The following GABRB1 variants were observed in gnomAD, a reference collection of about 807,000 sequenced individuals.
The protein encoded by GABRB1 is gamma-aminobutyric acid type A receptor subunit beta1.
A neutral mutation model predicts 51.6 loss-of-function variants in GABRB1; 17 were observed. That is an observed-to-expected ratio of 0.33 (90% CI 0.23 to 0.49). GABRB1 has a LOEUF of 0.49. Ranked by LOEUF, GABRB1 falls within the 20% of genes least tolerant of loss-of-function variation. The pLI, the probability that GABRB1 is intolerant of heterozygous loss-of-function variation, is 0.99. For missense variants in GABRB1, 410 were observed against 600.6 expected (o/e 0.68, Z 3.32); for synonymous variants, 247 against 218.9 (o/e 1.13, Z -1.14).
chr4:47,316,380 A>G (rs949859976), intron 4 of GABRB1, among the ~76,000 whole-genome samples: 1 of 151,970 alleles, frequency 6.6e-6, no homozygotes, highest in African/African-American at 2.4e-5. Flanking sequence ...AATGGCCTCC[A>G]GTTCCATCCA....
chr4:47,015,765 G>A (rs1724724983), intron 1 of GABRB1, among the ~76,000 whole-genome samples: 1 of 152,146 alleles, frequency 6.6e-6, no homozygotes, highest in South Asian at 2.1e-4. Context: ...AACAATATTG[G>A]AGCTTTACTA....
At chr4:47,056,748 A>T (rs1726624095) in intron 3 of GABRB1, among the ~76,000 whole-genome samples, 1 of 152,200 alleles carries the variant, frequency 6.6e-6, no homozygotes, top group African/African-American at 2.4e-5. Flanking sequence ...ACTGGATGAA[A>T]CAAACAGGGA....
intron 5 of GABRB1, among the ~76,000 whole-genome samples, chr4:47,365,041 G>A (rs932239692): frequency 3.3e-5 from 5 of 152,196 alleles, no homozygotes; most frequent in Non-Finnish European, 5.9e-5. Flanking sequence ...GTATAACAGG[G>A]AAACAAAAGG....
intron 4 of GABRB1, among the ~76,000 whole-genome samples, chr4:47,183,025 G>A (rs891764075): frequency 3.3e-5 from 5 of 151,752 alleles, no homozygotes; most frequent in Admixed American, 1.3e-4. Context: ...ATTCTTGCAA[G>A]TAGACCAATG....
At position 47,238,636 on chromosome 4, in the gene GABRB1, C is replaced by T. The variant is rs1721414129; in HGVS notation, c.461+77167C>T. The stretch of plus-strand genomic sequence containing the variant: ...CAGGGAGCATACTTCAAGAAATAAG[C>T]TAACTTCAAGTGGAAAACCAAAAGG... On this transcript the variant is annotated intron_variant, in intron 4 of 8. Coordinates refer to ENST00000295454, the MANE Select transcript of GABRB1 (RefSeq NM_000812.4). Among the ~76,000 whole-genome samples the T allele has an allele frequency of 3.3e-5, 5 of 152,140 alleles. 1 individual carries two copies. The highest frequency in any genetic ancestry group is 3.3e-4 in the Admixed American group (5 of 15,272).
chr4:47,035,624 G>A (rs1725519427), intron 3 of GABRB1, among the ~76,000 whole-genome samples: 1 of 151,918 alleles, frequency 6.6e-6, no homozygotes, highest in Non-Finnish European at 1.5e-5. Context: ...TCTTTTAACT[G>A]TTTCTGCCAA....
At chr4:47,403,803 G>A in intron 7 of GABRB1, 92 bp downstream of exon 7, 1 of 1,239,322 alleles carries the variant, frequency 8.1e-7, no homozygotes, top group Non-Finnish European at 1.1e-6. Flanking sequence ...CTCTCTTATA[G>A]CAAGCCAAAG....
At chr4:47,150,858 T>A (rs1717412784) in intron 3 of GABRB1, among the ~76,000 whole-genome samples, 1 of 151,976 alleles carries the variant, frequency 6.6e-6, no homozygotes, top group African/African-American at 2.4e-5. Flanking sequence ...ATGATCTTAT[T>A]GTTTTTTAAG....
chr4:47,274,023 A>G (rs1374295356), intron 4 of GABRB1, among the ~76,000 whole-genome samples: 1 of 152,158 alleles, frequency 6.6e-6, no homozygotes, highest in Non-Finnish European at 1.5e-5. Flanking sequence ...TTATATACAT[A>G]CATGAATACG....
At chr4:47,267,044 A>G (rs547674569) in intron 4 of GABRB1, among the ~76,000 whole-genome samples, 1 of 152,172 alleles carries the variant, frequency 6.6e-6, no homozygotes, top group Admixed American at 6.5e-5. Flanking sequence ...CGACAATTCT[A>G]AATATACCTG....
At chr4:47,333,190 TTATTTATATATATATATA>T (rs376186376) in intron 5 of GABRB1, among the ~76,000 whole-genome samples, 32,443 of 83,272 alleles carry the variant, frequency 0.39, 4,416 homozygotes, top group Middle Eastern at 0.46. Flanking sequence ...AAAACCCATT[TTATTTATATATATATATA>T]TATATATATA....
chr4:47,104,948 TCTTAACAGCA>T (rs2109615089), intron 3 of GABRB1, among the ~76,000 whole-genome samples: 1 of 152,210 alleles, frequency 6.6e-6, no homozygotes, highest in South Asian at 2.1e-4. Flanking sequence ...TTTTTTTGTC[TCTTAACAGCA>T]CATTTATTTT....
intron 3 of GABRB1, among the ~76,000 whole-genome samples, chr4:47,046,605 A>G (rs530454416): frequency 6.6e-6 from 1 of 152,234 alleles, no homozygotes; most frequent in African/African-American, 2.4e-5. Context: ...AGATCTCATG[A>G]CATAGCAGAG....
At chr4:47,408,975 C>A (rs1422807512) in intron 8 of GABRB1, among the ~76,000 whole-genome samples, 3 of 152,170 alleles carry the variant, frequency 2.0e-5, no homozygotes, top group Non-Finnish European at 4.4e-5. Flanking sequence ...AAGCAGGGCC[C>A]TTCAGTTGCT....
At chr4:47,202,769 A>T (rs1719942907) in intron 4 of GABRB1, among the ~76,000 whole-genome samples, 1 of 152,132 alleles carries the variant, frequency 6.6e-6, no homozygotes, top group Non-Finnish European at 1.5e-5. Context: ...TTTCCCAGTA[A>T]TGGAAAAATC....
chr4:47,295,686 A>G (rs1383301376), intron 4 of GABRB1, among the ~76,000 whole-genome samples: 1 of 152,226 alleles, frequency 6.6e-6, no homozygotes, highest in Non-Finnish European at 1.5e-5. Flanking sequence ...AACACTTTGC[A>G]GGATATTATC....
At chr4:47,319,607 G>A (rs1725003839) in intron 4 of GABRB1, among the ~76,000 whole-genome samples, 1 of 152,124 alleles carries the variant, frequency 6.6e-6, no homozygotes, top group African/African-American at 2.4e-5. Flanking sequence ...TATTGAGAAT[G>A]TTTGCATCTA....
chr4:47,016,041 G>T (rs969787084), intron 1 of GABRB1, among the ~76,000 whole-genome samples: 1 of 152,216 alleles, frequency 6.6e-6, no homozygotes, highest in Non-Finnish European at 1.5e-5. Flanking sequence ...GAAAAGCACT[G>T]CAGGTAGAGG....
chr4:47,111,969 C>CT (rs372238269), intron 3 of GABRB1, among the ~76,000 whole-genome samples: 99,407 of 137,842 alleles, frequency 0.72, 35,756 homozygotes, highest in Middle Eastern at 0.82. Flanking sequence ...AAGTAGTATT[C>CT]TTTTTTTTTT....
Sources: allele counts gnomAD v4.1 joint callset (sites outside exome capture counted in the v4.1 genomes callset), GRCh38; gene constraint gnomAD v4.1.1; transcripts MANE v1.5; gene names NCBI Gene and HGNC (gene_info 2026-07-23, HGNC 2026-07-21).